The following AGO1 variants were observed in gnomAD, a reference collection of about 807,000 sequenced individuals.
AGO1 encodes the protein protein argonaute-1.
AGO1 carries 11 observed loss-of-function variants against 109.2 expected under a neutral mutation model. That is an observed-to-expected ratio of 0.10 (90% CI 0.06 to 0.17). AGO1 has a LOEUF of 0.17. AGO1 is among the 10% of genes least tolerant of loss of function. The pLI, the probability that AGO1 is intolerant of heterozygous loss-of-function variation, is 1.00. For missense variants in AGO1, 574 were observed against 1,140.3 expected (o/e 0.50, Z 7.15); for synonymous variants, 422 against 418.6 (o/e 1.01, Z -0.10).
At chr1:35,911,277 C>G (rs187929829) in intron 12 of AGO1, among the ~76,000 whole-genome samples, 1 of 152,150 alleles carries the variant, frequency 6.6e-6, no homozygotes, top group East Asian at 1.9e-4. Flanking sequence ...GAAAAAGAAT[C>G]CCAGGGTCAT....
intron 8 of AGO1, among the ~76,000 whole-genome samples, chr1:35,897,170 G>A (rs1402740769): frequency 6.6e-6 from 1 of 152,206 alleles, no homozygotes; most frequent in Non-Finnish European, 1.5e-5. Flanking sequence ...AGTAGTTTCA[G>A]ATGGTGATAA....
intron 11 of AGO1, among the ~76,000 whole-genome samples, chr1:35,903,201 T>G (rs1571359514): frequency 1.3e-5 from 2 of 151,668 alleles, no homozygotes; most frequent in African/African-American, 4.8e-5. Flanking sequence ...AGAGATGGGG[T>G]TTCAGTGTGT....
At position 35,893,742 on chromosome 1, in the gene AGO1, G is replaced by A. The variant is rs1388452609; in HGVS notation, c.581G>A (p.Arg194His). 6.8e-6 allele frequency: 11 copies of A among 1,613,836 alleles called. No homozygotes were observed. Among genetic ancestry groups the A allele is most frequent in the Non-Finnish European group, 9.3e-6 (11 of 1,179,948 alleles). ...TACTACCACCCGCTGGGGGGTGGGC[G>A]CGAGGTCTGGTTCGGCTTTCACCAG... ...EGYYHPLGGG[R>H]EVWFGFHQSV... The change falls in exon 5 of 19, where the codon CGC becomes CAC. Residue 194 changes from arginine (R) to histidine (H), a missense_variant. Coordinates refer to ENST00000373204, the MANE Select transcript of AGO1 (RefSeq NM_012199.5). This position sits in a 1 kb window ranked among gnomAD's most constrained non-coding sequence, Gnocchi z 5.6.
At chr1:35,887,854 AGCC>A (rs1557603172) in intron 1 of AGO1, among the ~76,000 whole-genome samples, 1 of 151,710 alleles carries the variant, frequency 6.6e-6, no homozygotes, top group Non-Finnish European at 1.5e-5. Context: ...CTGTCCTTTG[AGCC>A]TTTTCTCCTT....
Position 35,929,226 on chromosome 1 carries a change from C to CT in AGO1, c.*9622dup, listed in dbSNP as rs1242470958. The CT allele has an allele frequency of 1.3e-5, 2 of 152,274 alleles. No individual in the cohort carries two copies. The highest frequency in any genetic ancestry group is 2.9e-5 in the Non-Finnish European group (2 of 68,054). The allele number at this position is 152,274 out of a possible 1,614,324, so 9.4% of individuals were successfully genotyped here. A position where few individuals can be genotyped will look rare whatever the true frequency, so the allele number is the denominator to read the frequency against. On this transcript the variant is annotated 3_prime_UTR_variant, in exon 19 of 19. Coordinates refer to ENST00000373204, the MANE Select transcript of AGO1 (RefSeq NM_012199.5). ...GCCTTTGGCAGAATCCTTCAAACCTCTTTGTCTTCCTACTTCTTGATATTA... is the reference window on the plus strand; with the variant it reads ...GCCTTTGGCAGAATCCTTCAAACCTCTTTTGTCTTCCTACTTCTTGATATTA...
intron 8 of AGO1, among the ~76,000 whole-genome samples, chr1:35,896,074 A>G (rs1377115058): frequency 1.3e-5 from 2 of 151,892 alleles, no homozygotes; most frequent in Non-Finnish European, 2.9e-5. Flanking sequence ...ATGTTGGCTC[A>G]CTGCAACCTC....
chr1:35,889,614 A>G (rs1049815823), intron 2 of AGO1, among the ~76,000 whole-genome samples: 1 of 152,066 alleles, frequency 6.6e-6, no homozygotes, highest in East Asian at 1.9e-4. Context: ...ATGTCTCCTT[A>G]CTATCCTGGT....
chr1:35,894,212 T>C, intron 6 of AGO1, 41 bp downstream of exon 6: 1 of 1,574,472 alleles, frequency 6.4e-7, no homozygotes, highest in Admixed American at 1.8e-5. Context: ...AGCGCCACTT[T>C]AGCCCTAAGA....
intron 15 of AGO1, among the ~76,000 whole-genome samples, chr1:35,915,960 C>T (rs1645727587): frequency 6.6e-6 from 1 of 152,092 alleles, no homozygotes; most frequent in African/African-American, 2.4e-5. Flanking sequence ...CTGGAGACTA[C>T]ATTTGAGGAC....
In AGO1 at chr1:35,886,185, C is replaced by G. The variant is rs1048712701; in HGVS notation, c.26-2242C>G. The stretch of plus-strand genomic sequence containing the variant: ...AGAGAAGGGTCCCGCCCCTTTCCCC[C>G]TAGGCCCAAGCTTTGTCCTCTGTGC... On this transcript the variant is annotated intron_variant, in intron 1 of 18. Transcript: ENST00000373204. Among the ~76,000 whole-genome samples the G allele has an allele frequency of 8.5e-4, 130 of 152,278 alleles. 1 individual carries two copies. Among genetic ancestry groups the G allele is most frequent in the African/African-American group, 3.1e-3 (128 of 41,548 alleles).
intron 12 of AGO1, among the ~76,000 whole-genome samples, chr1:35,912,114 T>G (rs939881323): frequency 6.6e-6 from 1 of 152,054 alleles, no homozygotes; most frequent in African/African-American, 2.4e-5. Flanking sequence ...TCCCAGCACT[T>G]TGGGAGGCCG....
rs531474824 is a variant in AGO1, at chr1:35,888,741, A to T, written c.209+131A>T. 5.1e-6 allele frequency: 5 copies of T among 987,232 alleles called. No individual in the cohort carries two copies. In the East Asian group the frequency reaches 1.3e-4, roughly 26 times the overall value. The allele number at this position is 987,232 out of a possible 1,614,324, so 61.2% of individuals were successfully genotyped here. A position where few individuals can be genotyped will look rare whatever the true frequency, so the allele number is the denominator to read the frequency against. ...AGGAAGTTTTTGAACGGGAGATGCC[A>T]CGTCGGGTAAATGCTGAAAAATAGT... On this transcript the variant is annotated intron_variant, in intron 2 of 18. Transcript: ENST00000373204. This position sits in a 1 kb window ranked among gnomAD's most constrained non-coding sequence, Gnocchi z 4.1.
In AGO1 at chr1:35,883,963, C is replaced by G. The variant is rs1372690081; in HGVS notation, c.25+517C>G. Among the ~76,000 whole-genome samples the G allele has an allele frequency of 6.6e-6, 1 of 152,194 alleles. No homozygotes were observed. The highest frequency in any genetic ancestry group is 1.5e-5 in the Non-Finnish European group (1 of 68,020). On this transcript the variant is annotated intron_variant, in intron 1 of 18. Transcript: ENST00000373204. This position sits in a 1 kb window ranked among gnomAD's most constrained non-coding sequence, Gnocchi z 5.4. ...GGGGCGGTGGGTGGGGACCCAGTCC[C>G]GGGATTACCCCCCGTGGGTCTGGGG...
Position 35,926,051 on chromosome 1 carries a change from G to A in AGO1, c.*6444G>A, listed in dbSNP as rs1645920365. Reference sequence around the variant, plus strand: ...TTCAGCAGCAAGGGTTAGGGAGGTTGGTTGAACTTGAAGAGCAGATTGGAC... The same window carrying A: ...TTCAGCAGCAAGGGTTAGGGAGGTTAGTTGAACTTGAAGAGCAGATTGGAC... On this transcript the variant is annotated 3_prime_UTR_variant, in exon 19 of 19. Coordinates refer to ENST00000373204, the MANE Select transcript of AGO1 (RefSeq NM_012199.5). 1 of 147,706 alleles carries A rather than the reference G, an allele frequency of 6.8e-6. No individual in the cohort carries two copies. The highest frequency in any genetic ancestry group is 2.5e-5 in the African/African-American group (1 of 40,736). The allele number at this position is 147,706 out of a possible 1,614,324, so 9.1% of individuals were successfully genotyped here.
intron 1 of AGO1, among the ~76,000 whole-genome samples, chr1:35,884,465 T>G (rs1645087929): frequency 1.3e-5 from 2 of 152,164 alleles, no homozygotes; most frequent in Non-Finnish European, 2.9e-5. Flanking sequence ...AATCCAAAGA[T>G]TTTCCATTGA....
chr1:35,880,179 T>A (rs1645024117), upstream of AGO1, among the ~76,000 whole-genome samples: 1 of 152,136 alleles, frequency 6.6e-6, no homozygotes, highest in South Asian at 2.1e-4. Flanking sequence ...TTGTCCCTGT[T>A]TTTAAGGAAC....
chr1:35,880,197 G>A (rs11263830), upstream of AGO1, among the ~76,000 whole-genome samples: 35,574 of 151,892 alleles, frequency 0.23, 6,861 homozygotes, highest in East Asian at 0.69. Flanking sequence ...AACTTAGATG[G>A]TAGTGTGGAG....
At position 35,893,030 on chromosome 1, in the gene AGO1, A is replaced by ATGG; in HGVS notation, c.331-66_331-64dup. 6.9e-7 allele frequency: 1 copy of ATGG among 1,450,338 alleles called. No individual in the cohort carries two copies. The highest frequency in any genetic ancestry group is 9.4e-7 in the Non-Finnish European group (1 of 1,058,436). 89.8% of individuals were successfully genotyped at this position (1,450,338 alleles called of 1,614,324 possible). A position where few individuals can be genotyped will look rare whatever the true frequency, so the allele number is the denominator to read the frequency against. ...TGAAAAACATGTTCTCAGCAAATCC[A>ATGG]TGGAGTTGGGGGTCATTCTCGCAGA... On this transcript the variant is annotated intron_variant, in intron 3 of 18. Coordinates refer to ENST00000373204, the MANE Select transcript of AGO1 (RefSeq NM_012199.5). The surrounding 1 kb of genome is among the most constrained non-coding windows in gnomAD (Gnocchi z 5.6).
chr1:35,913,309 G>C (rs570943743), intron 12 of AGO1, among the ~76,000 whole-genome samples: 1 of 152,146 alleles, frequency 6.6e-6, no homozygotes. Context: ...GTGAGCCACC[G>C]CGCCTGGCGT....
Sources: gnomAD v4.1 joint callset for allele counts (sites outside exome capture counted in the v4.1 genomes callset) on GRCh38, gnomAD v4.1.1 for gene constraint, Gnocchi (gnomAD v3.1) non-coding constraint, MANE v1.5 for transcripts, NCBI Gene and HGNC (gene_info 2026-07-23, HGNC 2026-07-21) for gene names.